Variants in LUZP2 observed in about 807,000 individuals in gnomAD.
The protein encoded by LUZP2 is leucine zipper protein 2.
A neutral mutation model predicts 51.6 loss-of-function variants in LUZP2; 52 were observed. The ratio of observed to expected loss-of-function variants is 1.01; its 90% CI spans 0.81 to 1.27. The LOEUF (loss-of-function observed/expected upper bound fraction) is 1.27. Ranked by LOEUF, LUZP2 falls within the 50% of genes most tolerant of loss-of-function variation. The pLI is 0.00. For missense variants in LUZP2, 436 were observed against 395.4 expected, an observed-to-expected ratio of 1.10 and a Z score of -0.87; for synonymous variants, 154 against 137.3, an observed-to-expected ratio of 1.12 and a Z score of -0.85.
chr11:24,805,073 G>A (rs1421472303), intron 5 of LUZP2, among the ~76,000 whole-genome samples: 1 of 148,326 alleles, frequency 6.7e-6, no homozygotes, highest in Non-Finnish European at 1.5e-5. Flanking sequence ...TTCTGACAAA[G>A]ACACACCCAA....
chr11:24,876,384 G>A (rs1472973705), intron 5 of LUZP2, among the ~76,000 whole-genome samples: 2 of 149,986 alleles, frequency 1.3e-5, no homozygotes, highest in African/African-American at 2.5e-5. Flanking sequence ...TTTTTCTCAG[G>A]TTTGTCAAAG....
At chr11:24,535,567 A>G (rs1851151281) in intron 1 of LUZP2, among the ~76,000 whole-genome samples, 2 of 151,578 alleles carry the variant, frequency 1.3e-5, no homozygotes, top group African/African-American at 4.8e-5. Context: ...GCAACTCTTC[A>G]TTCATTCATT....
At chr11:24,727,727 A>G (rs1014519477) in intron 1 of LUZP2, among the ~76,000 whole-genome samples, 9 of 152,046 alleles carry the variant, frequency 5.9e-5, no homozygotes, top group Non-Finnish European at 1.5e-5. Flanking sequence ...CTGGTTGACT[A>G]CTGTTCATCA....
At chr11:24,689,012 G>A (rs1490676647) in intron 1 of LUZP2, among the ~76,000 whole-genome samples, 1 of 152,080 alleles carries the variant, frequency 6.6e-6, no homozygotes, top group Non-Finnish European at 1.5e-5. Context: ...TTGTCTCCTT[G>A]GAGGGAGGAA....
intron 1 of LUZP2, among the ~76,000 whole-genome samples, chr11:24,566,932 T>C (rs1194735119): frequency 8.7e-4 from 2 of 2,286 alleles, no homozygotes; most frequent in South Asian, 0.02. Context: ...TATATGTATA[T>C]ATATATACAT....
chr11:24,951,952 A>G (rs978362010), intron 7 of LUZP2, among the ~76,000 whole-genome samples: 3 of 151,574 alleles, frequency 2.0e-5, no homozygotes, highest in African/African-American at 7.3e-5. Flanking sequence ...CACTATCACA[A>G]TTTGCCTATT....
intron 5 of LUZP2, among the ~76,000 whole-genome samples, chr11:24,850,236 G>A (rs374964361): frequency 1.8e-4 from 27 of 152,064 alleles, no homozygotes; most frequent in Middle Eastern, 3.4e-3. Context: ...AGGTTTTCTC[G>A]TAGGAGTTTT....
intron 5 of LUZP2, among the ~76,000 whole-genome samples, chr11:24,768,919 T>C (rs564750861): frequency 6.6e-6 from 1 of 152,260 alleles, no homozygotes; most frequent in East Asian, 1.9e-4. Flanking sequence ...GGAAATGAAA[T>C]CAATATGTTG....
chr11:24,655,119 T>C (rs1030494461), intron 1 of LUZP2, among the ~76,000 whole-genome samples: 21 of 152,192 alleles, frequency 1.4e-4, no homozygotes, highest in African/African-American at 5.1e-4. Flanking sequence ...CAATTAACCA[T>C]GCAAAAGAAA....
intron 1 of LUZP2, among the ~76,000 whole-genome samples, chr11:24,517,520 G>T (rs1322397768): frequency 8.0e-6 from 1 of 125,008 alleles, no homozygotes; most frequent in South Asian, 2.5e-4. Context: ...AAAATTGTAG[G>T]TACATATTAA....
chr11:24,644,603 C>G (rs902215791), intron 1 of LUZP2, among the ~76,000 whole-genome samples: 1 of 151,522 alleles, frequency 6.6e-6, no homozygotes, highest in South Asian at 2.1e-4. Flanking sequence ...CCATGTAGAT[C>G]ACAAAGCAAA....
intron 1 of LUZP2, among the ~76,000 whole-genome samples, chr11:24,634,884 A>G (rs1225811863): frequency 6.6e-6 from 1 of 152,174 alleles, no homozygotes; most frequent in Non-Finnish European, 1.5e-5. Context: ...GCTTCTCAGT[A>G]TGAACCTAGT....
intron 1 of LUZP2, among the ~76,000 whole-genome samples, chr11:24,554,842 C>T (rs1160156928): frequency 6.6e-6 from 1 of 151,622 alleles, no homozygotes; most frequent in Admixed American, 6.6e-5. Flanking sequence ...AACAGTAGCC[C>T]AGTTAGAAAA....
At chr11:24,581,197 C>CAA (rs74259786) in intron 1 of LUZP2, among the ~76,000 whole-genome samples, 1,391 of 70,206 alleles carry the variant, frequency 0.02, 26 homozygotes, top group East Asian at 0.13. Context: ...TTTCACTGGC[C>CAA]AAAAAAAAAA....
intron 5 of LUZP2, among the ~76,000 whole-genome samples, chr11:24,836,116 A>G (rs894753692): frequency 5.3e-5 from 8 of 151,990 alleles, no homozygotes; most frequent in African/African-American, 2.4e-5. Context: ...TATAATGATC[A>G]TGTATAAATC....
At chr11:24,627,175 G>C (rs964646562) in intron 1 of LUZP2, among the ~76,000 whole-genome samples, 1 of 152,146 alleles carries the variant, frequency 6.6e-6, no homozygotes, top group Non-Finnish European at 1.5e-5. Context: ...AAATATGTAA[G>C]ATGTTTCTTT....
chr11:24,540,780 A>C (rs1354675143), intron 1 of LUZP2, among the ~76,000 whole-genome samples: 1 of 152,136 alleles, frequency 6.6e-6, no homozygotes, highest in Admixed American at 6.6e-5. Context: ...AGTATCTTTT[A>C]TATGCTGATA....
At chr11:24,618,162 A>G (rs1481491718) in intron 1 of LUZP2, among the ~76,000 whole-genome samples, 1 of 151,996 alleles carries the variant, frequency 6.6e-6, no homozygotes, top group African/African-American at 2.4e-5. Context: ...TAGCCTTTTA[A>G]CCTCTGGGCA....
intron 1 of LUZP2, among the ~76,000 whole-genome samples, chr11:24,641,915 G>T (rs139697326): frequency 1.3e-5 from 2 of 151,922 alleles, no homozygotes; most frequent in African/African-American, 4.8e-5. Flanking sequence ...TGTTTTTTGA[G>T]ATTGAGTCTC....
Sources: allele counts gnomAD v4.1 joint callset (sites outside exome capture counted in the v4.1 genomes callset), GRCh38; gene constraint gnomAD v4.1.1; transcripts MANE v1.5; gene names NCBI Gene and HGNC (gene_info 2026-07-23, HGNC 2026-07-21).